FIP1L1: variants seen among roughly 807,000 people sequenced by gnomAD.
FIP1L1 encodes the protein factor interacting with PAPOLA and CPSF1, also known as pre-mRNA 3'-end-processing factor FIP1.
A neutral mutation model predicts 84.6 loss-of-function variants in FIP1L1; 21 were observed. The ratio of observed to expected loss-of-function variants is 0.25; its 90% CI spans 0.18 to 0.36. FIP1L1 has a LOEUF of 0.36. Among genes scored for constraint, FIP1L1 ranks in the 10% least tolerant of loss-of-function variants. The pLI, the probability that FIP1L1 is intolerant of heterozygous loss-of-function variation, is 1.00. For missense variants in FIP1L1, 526 were observed against 751.1 expected (o/e 0.70, Z 3.50); for synonymous variants, 263 against 242.3 (o/e 1.09, Z -0.80).
At chr4:53,407,130 T>C (rs1041770164) in intron 10 of FIP1L1, among the ~76,000 whole-genome samples, 3 of 152,214 alleles carry the variant, frequency 2.0e-5, no homozygotes, top group African/African-American at 7.2e-5. Context: ...CTTTCCTTCT[T>C]TCTCTTGTGG....
At chr4:53,443,590 T>C (rs984481409) in intron 14 of FIP1L1, among the ~76,000 whole-genome samples, 1 of 152,172 alleles carries the variant, frequency 6.6e-6, no homozygotes, top group African/African-American at 2.4e-5. Context: ...AAGTATGAAT[T>C]GTGAGAACAT....
chr4:53,393,503 C>G (rs954027055), intron 9 of FIP1L1, among the ~76,000 whole-genome samples: 3 of 152,062 alleles, frequency 2.0e-5, no homozygotes, highest in African/African-American at 7.2e-5. Flanking sequence ...TTTTGACATT[C>G]TTGAGGTAAC....
chr4:53,389,941 CT>C (rs139795310), intron 6 of FIP1L1, 68 bp downstream of exon 6: 22,340 of 1,033,564 alleles, frequency 0.022, no homozygotes, highest in South Asian at 0.029. Flanking sequence ...GTCTTAATAG[CT>C]TTTTTTTTTA....
At chr4:53,440,249 C>T (rs1771330648) in intron 13 of FIP1L1, among the ~76,000 whole-genome samples, 1 of 152,020 alleles carries the variant, frequency 6.6e-6, no homozygotes, top group African/African-American at 2.4e-5. Flanking sequence ...ATAACAACCT[C>T]AGGCATTGAT....
At chr4:53,440,710 A>T (rs532216127) in intron 13 of FIP1L1, 34 of 806,216 alleles carry the variant, frequency 4.2e-5, no homozygotes, top group African/African-American at 2.7e-4. Context: ...AATATGGAAT[A>T]GGCTATGGGG....
chr4:53,388,758 T>G (rs570374020), intron 5 of FIP1L1, among the ~76,000 whole-genome samples: 1 of 152,236 alleles, frequency 6.6e-6, no homozygotes, highest in Non-Finnish European at 1.5e-5. Flanking sequence ...ACTACTCATA[T>G]ATAAGAATCC....
intron 5 of FIP1L1, among the ~76,000 whole-genome samples, chr4:53,384,743 C>T (rs936865087): frequency 6.6e-6 from 1 of 152,068 alleles, no homozygotes; most frequent in African/African-American, 2.4e-5. Context: ...CATTGAAGTA[C>T]GAATTGTGAT....
At chr4:53,449,888 T>G (rs1212829366) in intron 15 of FIP1L1, among the ~76,000 whole-genome samples, 6 of 152,170 alleles carry the variant, frequency 3.9e-5, no homozygotes, top group Non-Finnish European at 8.8e-5. Flanking sequence ...TGGTATAAAG[T>G]GCAGCATATT....
chr4:53,410,065 A>G (rs1438270660), intron 10 of FIP1L1, among the ~76,000 whole-genome samples: 1 of 152,162 alleles, frequency 6.6e-6, no homozygotes, highest in Non-Finnish European at 1.5e-5. Context: ...AAATGCAGAA[A>G]TCACCCGTCT....
chr4:53,442,138 G>T (rs1335794833), intron 13 of FIP1L1: 1 of 152,994 alleles, frequency 6.5e-6, no homozygotes. Flanking sequence ...TGTTAGGGTT[G>T]TGCTATTTGA....
intron 15 of FIP1L1, among the ~76,000 whole-genome samples, chr4:53,444,608 T>A (rs1773405363): frequency 6.6e-6 from 1 of 152,212 alleles, no homozygotes; most frequent in Non-Finnish European, 1.5e-5. Flanking sequence ...TACTAATTTT[T>A]TTTTGGAGAC....
At chr4:53,439,308 A>G (rs1770867877) in intron 13 of FIP1L1, among the ~76,000 whole-genome samples, 1 of 152,066 alleles carries the variant, frequency 6.6e-6, no homozygotes, top group South Asian at 2.1e-4. Flanking sequence ...ATTCATAAAG[A>G]TTTTTGAAAC....
chr4:53,454,630 G>C (rs1469440390), intron 16 of FIP1L1, among the ~76,000 whole-genome samples: 1 of 152,172 alleles, frequency 6.6e-6, no homozygotes, highest in Non-Finnish European at 1.5e-5. Flanking sequence ...GTGTTCCATT[G>C]ATAGAGCACA....
At chr4:53,404,116 C>A (rs1050559054) in intron 10 of FIP1L1, among the ~76,000 whole-genome samples, 28 of 150,738 alleles carry the variant, frequency 1.9e-4, no homozygotes, top group Middle Eastern at 3.4e-3. Context: ...CCCACTAACT[C>A]GTCATTTAGA....
At chr4:53,398,627 G>C (rs1748640301) in intron 9 of FIP1L1, among the ~76,000 whole-genome samples, 1 of 145,022 alleles carries the variant, frequency 6.9e-6, no homozygotes. Context: ...ATAAAATATG[G>C]TGTGATATTA....
At chr4:53,433,004 T>C (rs1355433074) in intron 13 of FIP1L1, among the ~76,000 whole-genome samples, 3 of 152,192 alleles carry the variant, frequency 2.0e-5, no homozygotes, top group Non-Finnish European at 2.9e-5. Flanking sequence ...TTTTACTGTT[T>C]GCCTGGCTTG....
At chr4:53,433,517 AT>A (rs35956201) in intron 13 of FIP1L1, among the ~76,000 whole-genome samples, 146,242 of 150,890 alleles carry the variant, frequency 0.97, 71,029 homozygotes, top group Non-Finnish European at 1. Context: ...TTTGATGTTC[AT>A]TTTTTTTTTT....
chr4:53,391,529 C>A, intron 9 of FIP1L1, 31 bp downstream of exon 9: 1 of 1,553,118 alleles, frequency 6.4e-7, no homozygotes, highest in South Asian at 1.1e-5. Context: ...CTTGGTTGCT[C>A]TCATTTTTTG....
rs1242115274 is a variant in FIP1L1, at chr4:53,379,059, G to C, written c.86-14G>C. ...AGTAATTATAAGGTGATCTAACTTTGGATGTGCTTATAGGCCCATGGGACG... is the reference window on the plus strand; with the variant it reads ...AGTAATTATAAGGTGATCTAACTTTCGATGTGCTTATAGGCCCATGGGACG... On this transcript the variant is annotated splice_polypyrimidine_tract_variant and intron_variant, in intron 1 of 17. Transcript: ENST00000337488. The C allele has an allele frequency of 8.1e-6, 13 of 1,612,344 alleles. No individual in the cohort carries two copies. Among genetic ancestry groups the C allele is most frequent in the Non-Finnish European group, 9.3e-6 (11 of 1,179,496 alleles).
Sources: gnomAD v4.1 joint callset for allele counts (sites outside exome capture counted in the v4.1 genomes callset) on GRCh38, gnomAD v4.1.1 for gene constraint, MANE v1.5 for transcripts, NCBI Gene and HGNC (gene_info 2026-07-23, HGNC 2026-07-21) for gene names.